The following SLC44A2 variants were observed in gnomAD, a reference collection of about 807,000 sequenced individuals.
The protein encoded by SLC44A2 is solute carrier family 44 member 2 (CTL2 blood group).
In SLC44A2, 57 loss-of-function variants were observed where a neutral mutation model predicts 90.8. The observed-to-expected ratio is 0.63, with a 90% confidence interval of 0.51 to 0.78. The LOEUF is 0.78. SLC44A2 is among the 30% of genes least tolerant of loss of function. SLC44A2 has a pLI of 0.00. For synonymous variants in SLC44A2, 355 were observed against 360.7 expected (o/e 0.98, Z 0.18); for missense variants, 794 against 919.7 (o/e 0.86, Z 1.77).
At chr19:10,620,482 G>T (rs1463904242) in intron 1 of SLC44A2, among the ~76,000 whole-genome samples, 1 of 151,974 alleles carries the variant, frequency 6.6e-6, no homozygotes, top group African/African-American at 2.4e-5. Flanking sequence ...AACAAAAAAC[G>T]CAAATTAATT....
chr19:10,642,557 C>A, intron 21 of SLC44A2, 106 bp downstream of exon 21: 1 of 1,091,262 alleles, frequency 9.2e-7, no homozygotes, highest in Non-Finnish European at 1.4e-6. Flanking sequence ...CCCCCAGCTT[C>A]CCCAGGGCTT....
At chr19:10,626,512 C>G (rs537630867) in intron 2 of SLC44A2, among the ~76,000 whole-genome samples, 1 of 150,648 alleles carries the variant, frequency 6.6e-6, no homozygotes, top group African/African-American at 2.4e-5. Flanking sequence ...CTCCCGGGTT[C>G]GAGCAATTCT....
rs2067082512 is a variant in SLC44A2, at chr19:10,638,436, GA to G, written c.1929+122del. 4.2e-6 allele frequency: 4 copies of G among 952,770 alleles called. No individual in the cohort carries two copies. The Admixed American group carries it at 5.9e-5, about 14-fold the overall frequency. 59.0% of individuals were successfully genotyped at this position (952,770 alleles called of 1,614,324 possible). ...AGGTGGGGAATTGATTATTTATTCA[GA>G]CCACAAACTTTTTGTTTGTTTTTGA... is the stretch of plus-strand genomic sequence containing the variant. On this transcript the variant is annotated intron_variant, in intron 20 of 21. Transcript: ENST00000335757.
intron 1 of SLC44A2, among the ~76,000 whole-genome samples, chr19:10,603,431 G>A (rs1251914008): frequency 6.6e-6 from 1 of 152,170 alleles, no homozygotes; most frequent in Non-Finnish European, 1.5e-5. Context: ...AAGCACTGTC[G>A]CGCCCCTCTT....
upstream of SLC44A2, among the ~76,000 whole-genome samples, chr19:10,623,721 G>A (rs866538621): frequency 6.7e-6 from 1 of 149,420 alleles, no homozygotes; most frequent in Non-Finnish European, 1.5e-5. Flanking sequence ...GCGGAGTCTC[G>A]CTCTGTCGCC....
chr19:10,624,371 T>TTGGCTCAC (rs542658691), upstream of SLC44A2, among the ~76,000 whole-genome samples: 314 of 152,190 alleles, frequency 2.1e-3, no homozygotes, highest in South Asian at 3.7e-3. Context: ...TGAGGCAATC[T>TTGGCTCAC]TGGCTCACTG....
At chr19:10,619,528 T>C (rs1328382497) in intron 1 of SLC44A2, among the ~76,000 whole-genome samples, 1 of 152,050 alleles carries the variant, frequency 6.6e-6, no homozygotes, top group Non-Finnish European at 1.5e-5. Flanking sequence ...AAAAATATTT[T>C]TGTAGAGACG....
chr19:10,619,807 T>G (rs2066883805), intron 1 of SLC44A2, among the ~76,000 whole-genome samples: 1 of 151,924 alleles, frequency 6.6e-6, no homozygotes, highest in Non-Finnish European at 1.5e-5. Flanking sequence ...TACAAAAAAT[T>G]AGCCAGGCGT....
upstream of SLC44A2, among the ~76,000 whole-genome samples, chr19:10,624,192 T>C (rs2066912246): frequency 6.6e-6 from 1 of 151,576 alleles, no homozygotes; most frequent in Admixed American, 6.6e-5. Flanking sequence ...CAGACGGGGT[T>C]TCACCAAGTT....
chr19:10,619,617 C>T (rs967061517), intron 1 of SLC44A2, among the ~76,000 whole-genome samples: 3 of 151,910 alleles, frequency 2.0e-5, no homozygotes, highest in Admixed American at 1.3e-4. Flanking sequence ...GGATTACAGG[C>T]GTCAGCCACT....
rs762767390 is a variant in SLC44A2, at chr19:10,635,175, C to T, written c.1068C>T (p.Tyr356=). ...LIKEASRAVG[Y]VMCSLLYPLV... The stretch of plus-strand genomic sequence containing the variant: ...TGCTCTTCCCTAGGGCTGTGGGATA[C>T]GTCATGTGCTCCTTGCTCTACCCAC... Residue 356 remains tyrosine, a synonymous_variant, in exon 13 of 22, where the codon TAC becomes TAT. Transcript: ENST00000335757. 8 of 1,613,894 alleles carry T rather than the reference C, an allele frequency of 5.0e-6. No homozygotes were observed. The highest frequency in any genetic ancestry group is 1.3e-5 in the African/African-American group (1 of 74,986).
intron 6 of SLC44A2, 31 bp from the exon 7 acceptor site, chr19:10,631,444 G>A (rs1414816875): frequency 6.2e-7 from 1 of 1,613,966 alleles, no homozygotes; most frequent in Non-Finnish European, 8.5e-7. Context: ...ACTAGACTTG[G>A]GGACTCACCT....
In SLC44A2 at chr19:10,634,831, G is replaced by C. The variant is rs769440423; in HGVS notation, c.899G>C (p.Gly300Ala). ...AGSDVSLVDL[G>A]FQTDFRVYLH... ...TCTGATGTCTCTTTGGTGGACCTCG[G>C]CTTTCAGACGGATTTCCGGGTGTAC... Residue 300 changes from glycine (G) to alanine (A), a missense_variant, in exon 11 of 22, where the codon GGC becomes GCC. Gly to Ala is a moderately conservative substitution (Grantham distance 60, BLOSUM62 0). This residue lies in a region of SLC44A2 where 738 missense variants were observed against 841.1 expected (regional missense o/e 0.88). Coordinates refer to ENST00000335757, the MANE Select transcript of SLC44A2 (RefSeq NM_020428.4). The C allele has an allele frequency of 5.0e-6, 8 of 1,614,136 alleles. No individual in the cohort carries two copies. In the South Asian group the frequency reaches 8.8e-5, roughly 18 times the overall value.
At chr19:10,619,134 T>A (rs1366815000) in intron 1 of SLC44A2, among the ~76,000 whole-genome samples, 3 of 151,532 alleles carry the variant, frequency 2.0e-5, no homozygotes, top group Non-Finnish European at 4.4e-5. Context: ...GCCCGGCTAG[T>A]TTTTAAAAAT....
intron 2 of SLC44A2, 71 bp downstream of exon 2, chr19:10,626,372 C>A: frequency 8.7e-7 from 1 of 1,154,512 alleles, no homozygotes; most frequent in Non-Finnish European, 1.3e-6. Flanking sequence ...CACACCCCCT[C>A]CCATCTGTTC....
chr19:10,607,384 C>A (rs1386514742), intron 1 of SLC44A2, among the ~76,000 whole-genome samples: 4 of 152,042 alleles, frequency 2.6e-5, no homozygotes, highest in African/African-American at 7.2e-5. Flanking sequence ...CTCACTCTGT[C>A]ACCCAGGCTG....
Position 10,634,869 on chromosome 19 carries a change from C to T in SLC44A2, c.937C>T (p.Gln313Ter), listed in dbSNP as rs781369225. The change falls in exon 11 of 22, where the codon CAG (glutamine) becomes TAG (stop). Residue 313 changes from glutamine to a stop codon, truncating the protein, a stop_gained. Transcript: ENST00000335757. LOFTEE classifies it high-confidence loss of function. ...TTTCCGGGTGTACCTGCACTTACGGCAGACCTGGTTGGCCTTTAGTGAGTC... is the reference window on the plus strand; with the variant it reads ...TTTCCGGGTGTACCTGCACTTACGGTAGACCTGGTTGGCCTTTAGTGAGTC... Reference protein sequence around the residue: ...TDFRVYLHLRQTWLAFMIILS... With the variant: ...TDFRVYLHLR 6.2e-7 allele frequency: 1 copy of T among 1,614,208 alleles called. No individual in the cohort carries two copies. The highest frequency in any genetic ancestry group is 1.7e-5 in the Admixed American group (1 of 60,014).
At chr19:10,605,158 G>A (rs955255097) in intron 1 of SLC44A2, among the ~76,000 whole-genome samples, 1 of 152,028 alleles carries the variant, frequency 6.6e-6, no homozygotes, top group Non-Finnish European at 1.5e-5. Flanking sequence ...CAAGGCTGGG[G>A]GATCACGAGG....
chr19:10,614,117 C>G (rs2066836422), intron 1 of SLC44A2, among the ~76,000 whole-genome samples: 1 of 151,960 alleles, frequency 6.6e-6, no homozygotes, highest in Non-Finnish European at 1.5e-5. Context: ...AGGTGCACAC[C>G]ACCACGCCCA....
Sources: allele counts gnomAD v4.1 joint callset (sites outside exome capture counted in the v4.1 genomes callset), GRCh38; gene constraint gnomAD v4.1.1; regional missense constraint gnomAD v4.1.1; transcripts MANE v1.5; gene names NCBI Gene and HGNC (gene_info 2026-07-23, HGNC 2026-07-21).